Variants in COL6A5 observed in about 807,000 individuals in gnomAD.
COL6A5 encodes collagen type VI alpha 5 chain.
A neutral mutation model predicts 65.6 loss-of-function variants in COL6A5; 48 were observed. That is an observed-to-expected ratio of 0.73 (90% confidence interval 0.58 to 0.93). The LOEUF (loss-of-function observed/expected upper bound fraction) is 0.93. Among genes scored for constraint, COL6A5 ranks in the 40% least tolerant of loss-of-function variants. COL6A5 has a pLI of 0.00. For synonymous variants in COL6A5, 291 were observed against 322.8 expected, an observed-to-expected ratio of 0.90 and a Z score of 1.05; for missense variants, 914 against 928.3, an observed-to-expected ratio of 0.98 and a Z score of 0.20.
Position 130,353,792 on chromosome 3 carries a change from T to C in COL6A5, c.-29+7811T>C, listed in dbSNP as rs1486753807. On this transcript the variant is annotated intron_variant and NMD_transcript_variant, in intron 1 of 41. Coordinates refer to the COL6A5 transcript ENST00000312481. Reference sequence around the variant, plus strand: ...TATTTCTTTGATCTCAAACTGTTAGTAATTTCAAGATGCACCGCCAATTTA... The same window carrying C: ...TATTTCTTTGATCTCAAACTGTTAGCAATTTCAAGATGCACCGCCAATTTA... Among the ~76,000 whole-genome samples the C allele has an allele frequency of 2.0e-5, 3 of 152,002 alleles. 1 individual carries two copies. The highest frequency in any genetic ancestry group is 4.1e-4 in the South Asian group (2 of 4,832).
upstream of COL6A5, among the ~76,000 whole-genome samples, chr3:130,428,073 G>A (rs186940531): frequency 6.6e-6 from 1 of 152,302 alleles, no homozygotes; most frequent in Non-Finnish European, 1.5e-5. Context: ...GAAGGGGCTG[G>A]GGAGGTGAGG....
chr3:130,471,943 T>A lies in COL6A5; in HGVS notation c.2328+976T>A. On this transcript the variant is annotated intron_variant, in intron 7 of 7. Coordinates refer to ENST00000512836, the Ensembl canonical transcript of COL6A5. ...AAAAAGAAGGTAATCGTGAGTACCA[T>A]AGAGCTGAAGACCCTCAAGTACCTT... 1 of 1,531,994 alleles carries A rather than the reference T, an allele frequency of 6.5e-7. No individual in the cohort carries two copies. Among genetic ancestry groups the A allele is most frequent in the Non-Finnish European group, 8.7e-7 (1 of 1,144,622 alleles). 94.9% of individuals were successfully genotyped at this position (1,531,994 alleles called of 1,614,324 possible).
chr3:130,479,503 G>A (rs150727497), intron 7 of COL6A5, among the ~76,000 whole-genome samples: 5 of 152,162 alleles, frequency 3.3e-5, no homozygotes, highest in African/African-American at 1.2e-4. Flanking sequence ...GGAAAGAGCT[G>A]TATCTTGGAA....
intron 1 of COL6A5, among the ~76,000 whole-genome samples, chr3:130,358,806 AC>A (rs1935012405): frequency 6.6e-6 from 1 of 152,088 alleles, no homozygotes; most frequent in African/African-American, 2.4e-5. Flanking sequence ...ATTCGTTTTG[AC>A]CCCAAATTTC....
At chr3:130,394,928 G>C in exon 8 of COL6A5, 1 of 1,551,218 alleles carries the variant, frequency 6.4e-7, no homozygotes, top group African/African-American at 1.4e-5. Flanking sequence ...TTTCCTTTGC[G>C]ATGGCTCTGA....
intron 7 of COL6A5, among the ~76,000 whole-genome samples, chr3:130,479,721 T>C (rs1053494539): frequency 2.6e-5 from 4 of 152,080 alleles, no homozygotes; most frequent in Admixed American, 1.3e-4. Context: ...TAAAAACATA[T>C]AGAAAAGATG....
chr3:130,443,410 T>C (rs577882896), intron 3 of COL6A5, 66 bp from the exon 36 acceptor site: 2 of 1,225,900 alleles, frequency 1.6e-6, no homozygotes, highest in Non-Finnish European at 2.4e-6. Context: ...CCTGTTGGGA[T>C]TCTCTTTACC....
intron 1 of COL6A5, among the ~76,000 whole-genome samples, chr3:130,364,713 C>A (rs544365701): frequency 1.3e-5 from 2 of 152,278 alleles, no homozygotes; most frequent in South Asian, 4.1e-4. Flanking sequence ...TGGTCAGGTG[C>A]AAAGGGACTA....
At chr3:130,431,601 T>C (rs1937812178) in exon 1 of COL6A5, 11 of 1,551,544 alleles carry the variant, frequency 7.1e-6, no homozygotes, top group Non-Finnish European at 9.6e-6. Context: ...AAAATAACTG[T>C]CCTGTGGGAG....
chr3:130,449,954 A>G (rs1441436018), intron 4 of COL6A5, among the ~76,000 whole-genome samples: 1 of 152,088 alleles, frequency 6.6e-6, no homozygotes, highest in Non-Finnish European at 1.5e-5. Flanking sequence ...AGGGCCAGTG[A>G]CCCCCGTGGG....
At chr3:130,466,372 T>A (rs1709815140) in intron 5 of COL6A5, among the ~76,000 whole-genome samples, 1 of 151,982 alleles carries the variant, frequency 6.6e-6, no homozygotes, top group South Asian at 2.1e-4. Flanking sequence ...AAATAGTCCA[T>A]GGTCAAAGAA....
chr3:130,457,167 A>G (rs1317046335), intron 5 of COL6A5, among the ~76,000 whole-genome samples: 1 of 152,156 alleles, frequency 6.6e-6, no homozygotes, highest in Non-Finnish European at 1.5e-5. Context: ...TGACATGCAA[A>G]TTAGAGTAGC....
rs532803530 is a variant in COL6A5 at position 130,434,326 on chromosome 3, C to T, written c.487+2377C>T. Among the ~76,000 whole-genome samples, 98 of 152,270 alleles carry T rather than the reference C, an allele frequency of 6.4e-4. 1 individual carries two copies. The highest frequency in any genetic ancestry group is 1.2e-3 in the Non-Finnish European group (80 of 68,026). On this transcript the variant is annotated intron_variant, in intron 1 of 7. Transcript: ENST00000512836. ...GTATATGTACCACATTTTCTTTATC[C>T]AGTCTATCATTGATGGGCATTTGGG...
At chr3:130,351,208 C>A (rs1031393044) in intron 1 of COL6A5, among the ~76,000 whole-genome samples, 2 of 152,180 alleles carry the variant, frequency 1.3e-5, no homozygotes, top group Non-Finnish European at 2.9e-5. Context: ...ACCATAAGAT[C>A]CCTAGAAGAA....
chr3:130,407,270 G>A (rs1478890302), intron 17 of COL6A5, among the ~76,000 whole-genome samples: 1 of 152,190 alleles, frequency 6.6e-6, no homozygotes, highest in East Asian at 1.9e-4. Context: ...ACTGGGAGGT[G>A]AGGTTCAAGA....
intron 1 of COL6A5, among the ~76,000 whole-genome samples, chr3:130,365,512 C>T (rs1021532031): frequency 1.3e-5 from 2 of 152,118 alleles, no homozygotes; most frequent in East Asian, 1.9e-4. Flanking sequence ...CTCCTGACCT[C>T]GTGATCCGCC....
rs1041683841 is a variant in COL6A5 at position 130,438,530 on chromosome 3, C to G, written c.488-992C>G. Among the ~76,000 whole-genome samples the G allele has an allele frequency of 3.9e-5, 6 of 152,084 alleles. No homozygotes were observed. In the East Asian group the frequency reaches 1.2e-3, roughly 29 times the overall value. Reference sequence around the variant, plus strand: ...ACAAGGTCAAATACAAAATAACACCCAAAGCATCCAATTTAATAAAAATAG... The same window carrying G: ...ACAAGGTCAAATACAAAATAACACCGAAAGCATCCAATTTAATAAAAATAG... On this transcript the variant is annotated intron_variant, in intron 1 of 7. Coordinates refer to ENST00000512836, the Ensembl canonical transcript of COL6A5.
intron 7 of COL6A5, among the ~76,000 whole-genome samples, chr3:130,478,470 T>C (rs183999444): frequency 6.6e-6 from 1 of 152,214 alleles, no homozygotes; most frequent in East Asian, 1.9e-4. Flanking sequence ...ACAAAGATTT[T>C]CCAATGCATG....
intron 7 of COL6A5, among the ~76,000 whole-genome samples, chr3:130,393,305 C>G (rs1480742869): frequency 1.3e-5 from 2 of 152,132 alleles, no homozygotes; most frequent in Non-Finnish European, 2.9e-5. Flanking sequence ...CTGCCTACGT[C>G]TCACTTTTCT....
Sources: allele counts gnomAD v4.1 joint callset (sites outside exome capture counted in the v4.1 genomes callset), GRCh38; gene constraint gnomAD v4.1.1; transcripts MANE v1.5; gene names NCBI Gene and HGNC (gene_info 2026-07-23, HGNC 2026-07-21).